MTPN: variants seen among roughly 807,000 people sequenced by gnomAD.
MTPN encodes myotrophin, also known as granule cell differentiation protein.
A neutral mutation model predicts 13.5 loss-of-function variants in MTPN; 2 were observed. The observed-to-expected ratio is 0.15, with a 90% confidence interval of 0.06 to 0.47. The LOEUF (loss-of-function observed/expected upper bound fraction) is 0.47. Among genes scored for constraint, MTPN ranks in the 20% least tolerant of loss-of-function variants. MTPN has a pLI of 0.97. For synonymous variants in MTPN, 46 were observed against 51.7 expected (o/e 0.89, Z 0.48); for missense variants, 79 against 137.9 (o/e 0.57, Z 2.14).
chr7:135,959,688 G>A (rs920952664), intron 1 of MTPN, among the ~76,000 whole-genome samples: 1 of 152,046 alleles, frequency 6.6e-6, no homozygotes, highest in Non-Finnish European at 1.5e-5. Flanking sequence ...TGGCTGTATA[G>A]GAAATATCCC....
intron 1 of MTPN, chr7:135,960,676 T>C (rs961308279): frequency 1.3e-5 from 2 of 151,834 alleles, no homozygotes; most frequent in East Asian, 1.9e-4. Flanking sequence ...ACCTCTGAAA[T>C]GATTCAATAT....
In MTPN at chr7:135,928,517, C is replaced by T. The variant is rs1200388353; in HGVS notation, c.*1409G>A. ...CACCCTCCCCTAAAAATTTGAGGTA[C>T]ATTCAATTATTGCATGACTTGGTCT... On this transcript the variant is annotated 3_prime_UTR_variant, in exon 4 of 4. Coordinates refer to ENST00000393085, the MANE Select transcript of MTPN (RefSeq NM_145808.4). The T allele has an allele frequency of 1.8e-5, 3 of 166,874 alleles. No homozygotes were observed. In the Admixed American group the frequency reaches 2.0e-4, roughly 11 times the overall value. 10.3% of individuals were successfully genotyped at this position (166,874 alleles called of 1,614,324 possible). A position where few individuals can be genotyped will look rare whatever the true frequency, so the allele number is the denominator to read the frequency against.
rs1382286518 is a variant in MTPN at position 135,943,809 on chromosome 7, GC to G, written c.270+6789del. On this transcript the variant is annotated intron_variant, in intron 3 of 3. Transcript: ENST00000393085. ...CAGAGAAAAAAAGGAAAACAAAAAA[GC>G]AGTTCTTTTGGGCTTTCTCCTCTCA... Among the ~76,000 whole-genome samples, 5 of 152,164 alleles carry G rather than the reference GC, an allele frequency of 3.3e-5. 1 individual carries two copies. Among genetic ancestry groups the G allele is most frequent in the Non-Finnish European group, 5.9e-5 (4 of 68,020 alleles).
intron 1 of MTPN, among the ~76,000 whole-genome samples, chr7:135,957,285 C>T (rs751475806): frequency 6.6e-6 from 1 of 152,192 alleles, no homozygotes; most frequent in East Asian, 1.9e-4. Flanking sequence ...CTGGAACCAC[C>T]ATAGAAACCA....
At chr7:135,971,688 T>C (rs968019399) in intron 1 of MTPN, among the ~76,000 whole-genome samples, 2 of 152,184 alleles carry the variant, frequency 1.3e-5, no homozygotes, top group African/African-American at 4.8e-5. Context: ...GATAAGTAAA[T>C]GAAATAATAC....
At chr7:135,957,538 T>C (rs886174355) in intron 1 of MTPN, among the ~76,000 whole-genome samples, 5 of 152,214 alleles carry the variant, frequency 3.3e-5, no homozygotes, top group African/African-American at 7.2e-5. Context: ...ATGACCAGTT[T>C]ACATCAATAA....
chr7:135,957,204 C>G (rs1053185372), intron 1 of MTPN, among the ~76,000 whole-genome samples: 1 of 152,094 alleles, frequency 6.6e-6, no homozygotes, highest in Non-Finnish European at 1.5e-5. Flanking sequence ...ATATACATAA[C>G]ATACATATGA....
chr7:135,968,294 TATTA>T (rs1562936879), intron 1 of MTPN, among the ~76,000 whole-genome samples: 1 of 152,156 alleles, frequency 6.6e-6, no homozygotes, highest in African/African-American at 2.4e-5. Flanking sequence ...CGCTTATACA[TATTA>T]ATTATTGCCT....
intron 1 of MTPN, among the ~76,000 whole-genome samples, chr7:135,973,173 T>G (rs547904369): frequency 6.7e-6 from 1 of 150,178 alleles, no homozygotes; most frequent in Admixed American, 6.6e-5. Context: ...GAGAGATCCC[T>G]CCACCTAAAC....
chr7:135,935,881 T>G (rs1012518934), intron 3 of MTPN, among the ~76,000 whole-genome samples: 4 of 152,028 alleles, frequency 2.6e-5, no homozygotes, highest in Admixed American at 2.6e-4. Flanking sequence ...ACACTAAGTT[T>G]CTAAGGTTCA....
chr7:135,942,232 A>G (rs1315663166), intron 3 of MTPN, among the ~76,000 whole-genome samples: 2 of 152,122 alleles, frequency 1.3e-5, no homozygotes, highest in East Asian at 3.9e-4. Flanking sequence ...AGTTTCAGAC[A>G]AAAAAGTATG....
At chr7:135,967,923 C>T (rs779564868) in intron 1 of MTPN, among the ~76,000 whole-genome samples, 2 of 152,070 alleles carry the variant, frequency 1.3e-5, no homozygotes, top group South Asian at 2.1e-4. Flanking sequence ...CCATAATGAG[C>T]GTCTATTGTA....
intron 1 of MTPN, among the ~76,000 whole-genome samples, chr7:135,972,465 A>G (rs1316299809): frequency 4.6e-5 from 7 of 152,258 alleles, no homozygotes; most frequent in Non-Finnish European, 8.8e-5. Flanking sequence ...TGACAATGTA[A>G]GTCATCCAGT....
intron 3 of MTPN, among the ~76,000 whole-genome samples, chr7:135,943,407 T>C (rs1799242740): frequency 6.6e-6 from 1 of 152,198 alleles, no homozygotes; most frequent in Non-Finnish European, 1.5e-5. Flanking sequence ...ACAATGCTGA[T>C]ACTTGAGAGG....
At chr7:135,969,565 T>C (rs757707048) in intron 1 of MTPN, among the ~76,000 whole-genome samples, 10 of 149,996 alleles carry the variant, frequency 6.7e-5, no homozygotes, top group Non-Finnish European at 1.5e-4. Context: ...TCAAAATAAA[T>C]AATGGAAAGG....
intron 3 of MTPN, among the ~76,000 whole-genome samples, chr7:135,947,618 T>C (rs970883080): frequency 3.9e-5 from 6 of 152,146 alleles, no homozygotes; most frequent in Admixed American, 2.6e-4. Context: ...GATATGTACA[T>C]GTTCCATTTC....
chr7:135,927,827 A>AT lies in MTPN; in HGVS notation c.*2098dup, dbSNP rs1264990319. ...AACATCAGGATAAACTGTACAAAGA[A>AT]TCACATGGTTTCCATACCATGAATG... On this transcript the variant is annotated 3_prime_UTR_variant, in exon 4 of 4. Coordinates refer to ENST00000393085, the MANE Select transcript of MTPN (RefSeq NM_145808.4). The AT allele has an allele frequency of 2.4e-6, 1 of 409,180 alleles. No homozygotes were observed. The highest frequency in any genetic ancestry group is 7.2e-5 in the East Asian group (1 of 13,854). The allele number at this position is 409,180 out of a possible 1,614,324, so 25.3% of individuals were successfully genotyped here. A position where few individuals can be genotyped will look rare whatever the true frequency, so the allele number is the denominator to read the frequency against.
chr7:135,927,484 G>A lies in MTPN; in HGVS notation c.*2442C>T, dbSNP rs961393954. 14 of 1,426,876 alleles carry A rather than the reference G, an allele frequency of 9.8e-6. No homozygotes were observed. The highest frequency in any genetic ancestry group is 2.2e-5 in the Admixed American group (1 of 45,480). The allele number at this position is 1,426,876 out of a possible 1,614,324, so 88.4% of individuals were successfully genotyped here. A position where few individuals can be genotyped will look rare whatever the true frequency, so the allele number is the denominator to read the frequency against. On this transcript the variant is annotated 3_prime_UTR_variant, in exon 4 of 4. Coordinates refer to ENST00000393085, the MANE Select transcript of MTPN (RefSeq NM_145808.4). Reference sequence around the variant, plus strand: ...ACAGAACATGCAAAATTTTTTCTGAGATGTTAAGTATTACTTCAGTGGAGA... The same window carrying A: ...ACAGAACATGCAAAATTTTTTCTGAAATGTTAAGTATTACTTCAGTGGAGA...
rs190308533 is a variant in MTPN, at chr7:135,956,921, C to T, written c.73-5291G>A. On this transcript the variant is annotated intron_variant, in intron 1 of 3. Coordinates refer to ENST00000393085, the MANE Select transcript of MTPN (RefSeq NM_145808.4). ...CAAAAGGATTGTCTGTATTTGCTAT[C>T]TCCAGTGTTTCACCGTCCACTCTAA... 5.8e-4 allele frequency among the ~76,000 whole-genome samples: 89 copies of T among 152,294 alleles called. 1 individual carries two copies. The highest frequency in any genetic ancestry group is 2.1e-3 in the African/African-American group (86 of 41,560).
Sources: gnomAD v4.1 joint callset for allele counts (sites outside exome capture counted in the v4.1 genomes callset) on GRCh38, gnomAD v4.1.1 for gene constraint, MANE v1.5 for transcripts, NCBI Gene and HGNC (gene_info 2026-07-23, HGNC 2026-07-21) for gene names.